FMN1: variants seen among roughly 807,000 people sequenced by gnomAD.
FMN1 encodes the protein formin 1, also known as formin-1.
In FMN1, 110 loss-of-function variants were observed where a neutral mutation model predicts 132.4. The observed-to-expected ratio is 0.83, with a 90% CI of 0.71 to 0.97. The LOEUF (loss-of-function observed/expected upper bound fraction) is 0.97, where lower values mean the gene tolerates loss of function less well. FMN1 is among the 50% of genes least tolerant of loss of function. The pLI is 0.00. For missense variants in FMN1, 1,792 were observed against 1,705.3 expected (o/e 1.05, Z -0.90); for synonymous variants, 722 against 651.7 (o/e 1.11, Z -1.64).
rs145425975 is a variant in FMN1, at chr15:33,189,663, C to T, written c.-197+4246G>A. Among the ~76,000 whole-genome samples the T allele has an allele frequency of 6.9e-3, 1,052 of 152,250 alleles. 10 individuals are homozygous for T. Among genetic ancestry groups the T allele is most frequent in the African/African-American group, 0.024 (985 of 41,532 alleles). ...CTATCCAGATTCCATTGAGAGCCGG[C>T]CCCGTAAGCAAACACATTAATCTCT... On this transcript the variant is annotated intron_variant, in intron 2 of 20. Transcript: ENST00000616417.
At chr15:32,824,605 CT>C (rs1288228559) in intron 17 of FMN1, among the ~76,000 whole-genome samples, 4 of 152,044 alleles carry the variant, frequency 2.6e-5, no homozygotes, top group Admixed American at 1.3e-4. Context: ...TCTTTTCTAT[CT>C]TTTAAGAGAC....
At chr15:33,128,488 G>A (rs974391221) in intron 4 of FMN1, among the ~76,000 whole-genome samples, 2 of 152,166 alleles carry the variant, frequency 1.3e-5, no homozygotes, top group African/African-American at 4.8e-5. Flanking sequence ...AAAGCCTCAT[G>A]CAAGTTCTCA....
intron 19 of FMN1, among the ~76,000 whole-genome samples, chr15:32,791,908 A>G (rs2057093441): frequency 6.6e-6 from 1 of 152,142 alleles, no homozygotes; most frequent in Non-Finnish European, 1.5e-5. Context: ...AATGTGCAGT[A>G]GGAAATGTAG....
At chr15:33,121,800 G>A (rs1393662183) in intron 4 of FMN1, among the ~76,000 whole-genome samples, 1 of 152,176 alleles carries the variant, frequency 6.6e-6, no homozygotes, top group Non-Finnish European at 1.5e-5. Flanking sequence ...CAAAGTGCTA[G>A]GATTATAGGC....
At chr15:32,861,398 C>A (rs1357102495) in intron 16 of FMN1, among the ~76,000 whole-genome samples, 1 of 152,096 alleles carries the variant, frequency 6.6e-6, no homozygotes, top group Non-Finnish European at 1.5e-5. Flanking sequence ...TCAAATTGCT[C>A]CAATTTTATG....
At chr15:32,856,004 T>A (rs2059123375) in intron 17 of FMN1, among the ~76,000 whole-genome samples, 1 of 152,194 alleles carries the variant, frequency 6.6e-6, no homozygotes, top group Non-Finnish European at 1.5e-5. Flanking sequence ...CCTACTTCAA[T>A]ACAGACAACC....
chr15:32,871,113 G>A (rs1596136989), intron 16 of FMN1, among the ~76,000 whole-genome samples: 2 of 152,174 alleles, frequency 1.3e-5, no homozygotes, highest in East Asian at 1.9e-4. Context: ...GGCCTCTGAA[G>A]GGGAAGGGAA....
intron 4 of FMN1, among the ~76,000 whole-genome samples, chr15:33,107,805 G>A (rs1272896766): frequency 6.6e-6 from 1 of 152,098 alleles, no homozygotes; most frequent in Non-Finnish European, 1.5e-5. Context: ...CAAGATATCA[G>A]ATCTGGTTTT....
chr15:33,099,282 C>A (rs1197568071), intron 4 of FMN1, among the ~76,000 whole-genome samples: 1 of 152,172 alleles, frequency 6.6e-6, no homozygotes, highest in Non-Finnish European at 1.5e-5. Context: ...CAGACTGAGA[C>A]CCTGTCTCAA....
intron 19 of FMN1, among the ~76,000 whole-genome samples, chr15:32,784,737 G>C (rs2056793363): frequency 6.6e-6 from 1 of 152,192 alleles, no homozygotes; most frequent in African/African-American, 2.4e-5. Flanking sequence ...AGTGGGGACA[G>C]ATCCAGATGA....
intron 6 of FMN1, among the ~76,000 whole-genome samples, chr15:33,043,793 A>G (rs962040040): frequency 5.3e-5 from 8 of 152,196 alleles, no homozygotes; most frequent in Non-Finnish European, 1.0e-4. Context: ...ACCCCTTCTA[A>G]GTTGGCAGGG....
At chr15:32,807,854 T>G (rs769186562) in intron 17 of FMN1, among the ~76,000 whole-genome samples, 1 of 152,230 alleles carries the variant, frequency 6.6e-6, no homozygotes, top group Non-Finnish European at 1.5e-5. Context: ...AATTTTGCCC[T>G]TGTACAGATA....
At chr15:33,117,049 T>C (rs2039955920) in intron 4 of FMN1, among the ~76,000 whole-genome samples, 1 of 152,204 alleles carries the variant, frequency 6.6e-6, no homozygotes, top group Non-Finnish European at 1.5e-5. Flanking sequence ...TGGACGATCC[T>C]GCAGAGACTG....
At chr15:33,121,882 A>C (rs1191984318) in intron 4 of FMN1, among the ~76,000 whole-genome samples, 1 of 152,224 alleles carries the variant, frequency 6.6e-6, no homozygotes, top group African/African-American at 2.4e-5. Flanking sequence ...AAACAAAAAG[A>C]AAGCAGTAGA....
At chr15:33,115,589 A>G (rs2039894219) in intron 4 of FMN1, among the ~76,000 whole-genome samples, 1 of 149,346 alleles carries the variant, frequency 6.7e-6, no homozygotes, top group South Asian at 2.1e-4. Context: ...TTTTACATTC[A>G]AATAATTCTT....
intron 6 of FMN1, among the ~76,000 whole-genome samples, chr15:33,011,336 G>T (rs897160360): frequency 6.6e-6 from 1 of 151,958 alleles, no homozygotes; most frequent in Non-Finnish European, 1.5e-5. Context: ...ATAACTATTG[G>T]CTGGGAAAAA....
chr15:32,803,730 G>A (rs961482819), intron 18 of FMN1, among the ~76,000 whole-genome samples: 1 of 152,160 alleles, frequency 6.6e-6, no homozygotes, highest in Non-Finnish European at 1.5e-5. Context: ...TGATCTAGTT[G>A]TAATGCCAGG....
At chr15:32,787,831 A>G (rs1251709524) in intron 19 of FMN1, among the ~76,000 whole-genome samples, 1 of 152,126 alleles carries the variant, frequency 6.6e-6, no homozygotes. Context: ...GGGCAAAAGA[A>G]TGAGACCTTG....
At chr15:33,045,115 G>C (rs1266189420) in intron 6 of FMN1, among the ~76,000 whole-genome samples, 1 of 152,224 alleles carries the variant, frequency 6.6e-6, no homozygotes, top group Admixed American at 6.5e-5. Flanking sequence ...CAAGATTCCA[G>C]GTGCCACCGC....
Sources: gnomAD v4.1 joint callset for allele counts (sites outside exome capture counted in the v4.1 genomes callset) on GRCh38, gnomAD v4.1.1 for gene constraint, MANE v1.5 for transcripts, NCBI Gene and HGNC (gene_info 2026-07-23, HGNC 2026-07-21) for gene names.